Variants in SPDYE4 observed in about 807,000 individuals in gnomAD.
The protein encoded by SPDYE4 is speedy/RINGO cell cycle regulator family member E4.
Under a neutral mutation model 37.5 loss-of-function variants are expected in SPDYE4, and 30 were observed. The ratio of observed to expected loss-of-function variants is 0.80; its 90% CI spans 0.60 to 1.09. SPDYE4 has a LOEUF of 1.09. Among genes scored for constraint, SPDYE4 ranks in the 50% least tolerant of loss-of-function variants. SPDYE4 has a pLI of 0.00. For synonymous variants in SPDYE4, 131 were observed against 120.3 expected, an observed-to-expected ratio of 1.09 and a Z score of -0.58; for missense variants, 300 against 307.9, an observed-to-expected ratio of 0.97 and a Z score of 0.19.
intron 4 of SPDYE4, 110 bp from the exon 5 acceptor site, chr17:8,753,599 C>G (rs1192644775): frequency 7.5e-7 from 1 of 1,327,464 alleles, no homozygotes; most frequent in African/African-American, 1.5e-5. Context: ...TCAGCACCAA[C>G]AGCCGCCCTG....
At chr17:8,756,321 C>T in intron 3 of SPDYE4, 57 bp downstream of exon 3, 1 of 1,556,396 alleles carries the variant, frequency 6.4e-7, no homozygotes, top group South Asian at 1.1e-5. Flanking sequence ...AGACGCTGCA[C>T]CCTTCCCCAG....
intron 4 of SPDYE4, 45 bp downstream of exon 4, chr17:8,755,475 C>T (rs763419515): frequency 1.3e-6 from 2 of 1,594,162 alleles, no homozygotes; most frequent in Admixed American, 3.3e-5. Flanking sequence ...GTCCACTGTC[C>T]CAGGGTGTTG....
rs1313234588 is a variant in SPDYE4 at position 8,757,473 on chromosome 17, G to A, written c.129C>T (p.Ser43=). The change falls in exon 2 of 7, where the codon AGC becomes AGT. Residue 43 remains serine, a synonymous_variant. Coordinates refer to ENST00000689094, the MANE Select transcript of SPDYE4 (RefSeq NM_001394956.1). ...PGPSAPWIDP[S]PQPQSLGLKR... ...TCAGGCCAAGGGATTGAGGCTGGGG[G>A]CTGGGATCTATCCAAGGGGCTGAGT... 2 of 1,608,262 alleles carry A rather than the reference G, an allele frequency of 1.2e-6. No individual in the cohort carries two copies. Among genetic ancestry groups the A allele is most frequent in the Admixed American group, 3.4e-5 (2 of 58,890 alleles).
At chr17:8,756,531 G>A (rs1172771593) in intron 2 of SPDYE4, 95 bp from the exon 3 acceptor site, 3 of 1,260,518 alleles carry the variant, frequency 2.4e-6, no homozygotes, top group Non-Finnish European at 3.4e-6. Flanking sequence ...TCTGGGGGAA[G>A]TCTCAGGATT....
intron 3 of SPDYE4, 94 bp downstream of exon 3, chr17:8,756,284 G>T: frequency 8.5e-7 from 1 of 1,181,980 alleles, no homozygotes; most frequent in East Asian, 2.3e-5. Context: ...AGATGGTAGA[G>T]GGAGAGAGGA....
chr17:8,756,811 A>G (rs2086776531), intron 2 of SPDYE4, among the ~76,000 whole-genome samples: 1 of 152,194 alleles, frequency 6.6e-6, no homozygotes, highest in East Asian at 1.9e-4. Flanking sequence ...CCACGGATGG[A>G]GACACTTAGG....
Position 8,758,510 on chromosome 17 carries a change from G to A in SPDYE4, c.-128C>T. On this transcript the variant is annotated 5_prime_UTR_variant, in exon 1 of 7. Transcript: ENST00000689094. ...TCTAGAGGCTCGGGAGAAGTTAGGA[G>A]TGAAGAGTAGTTCTGAGAAGTTGCT... The A allele has an allele frequency of 1.2e-6, 1 of 849,978 alleles. No individual in the cohort carries two copies. Among genetic ancestry groups the A allele is most frequent in the Non-Finnish European group, 1.9e-6 (1 of 536,440 alleles). 52.7% of individuals were successfully genotyped at this position (849,978 alleles called of 1,614,324 possible). A position where few individuals can be genotyped will look rare whatever the true frequency, so the allele number is the denominator to read the frequency against.
rs147730323 is a variant in SPDYE4 at position 8,758,514 on chromosome 17, A to G, written c.-132T>C. 13 of 836,844 alleles carry G rather than the reference A, an allele frequency of 1.6e-5. No homozygotes were observed. In the Admixed American group the frequency reaches 3.1e-4, roughly 20 times the overall value. 51.8% of individuals were successfully genotyped at this position (836,844 alleles called of 1,614,324 possible). ...GAGGCTCGGGAGAAGTTAGGAGTGAAGAGTAGTTCTGAGAAGTTGCTGTTG... is the reference window on the plus strand; with the variant it reads ...GAGGCTCGGGAGAAGTTAGGAGTGAGGAGTAGTTCTGAGAAGTTGCTGTTG... On this transcript the variant is annotated 5_prime_UTR_variant, in exon 1 of 7. Coordinates refer to ENST00000689094, the MANE Select transcript of SPDYE4 (RefSeq NM_001394956.1).
At position 8,753,364 on chromosome 17, in the gene SPDYE4, G is replaced by A; in HGVS notation, c.611C>T (p.Ser204Phe). The A allele has an allele frequency of 6.3e-7, 1 of 1,587,524 alleles. No homozygotes were observed. Among genetic ancestry groups the A allele is most frequent in the South Asian group, 1.1e-5 (1 of 87,792 alleles). ...FHKLRYQLLC[S>F]MRWRTWVSPE... is the part of the protein sequence containing the mutation. ...GGAAACCCACGTCCTCCAGCGCATG[G>A]AACAGAGGAGCTGGTATCGAAGCTT... The change falls in exon 5 of 7, where the codon TCC (serine) becomes TTC (phenylalanine). Residue 204 changes from serine to phenylalanine, a missense_variant. Transcript: ENST00000689094.
At chr17:8,753,283 C>CCCCCCCCCCCCCCCCCCCCCCAAAGGG in intron 5 of SPDYE4, 38 bp downstream of exon 5, 1 of 705,316 alleles carries the variant, frequency 1.4e-6, no homozygotes, top group Non-Finnish European at 2.3e-6. Context: ...TCCACCCCAT[C>CCCCCCCCCCCCCCCCCCCCCCAAAGGG]CCTCCCCACC....
chr17:8,757,146 T>C (rs951767387), intron 2 of SPDYE4, 116 bp downstream of exon 2: 3 of 906,140 alleles, frequency 3.3e-6, no homozygotes, highest in African/African-American at 3.3e-5. Context: ...TCCTCCTGCA[T>C]GGAGCGCTCA....
Position 8,755,597 on chromosome 17 carries a change from C to T in SPDYE4, c.408G>A (p.Leu136=). ...KDLRVSDKYL[L]AMVIAYFSRA... ...GGCTAAAATACGCTATGACCATAGCCAGGAGATACTGATGGAGAGAAGGGA... is the reference window on the plus strand; with the variant it reads ...GGCTAAAATACGCTATGACCATAGCTAGGAGATACTGATGGAGAGAAGGGA... The change falls in exon 4 of 7, where the codon CTG becomes CTA. Residue 136 remains leucine (L), a synonymous_variant. Transcript: ENST00000689094. 4.3e-6 allele frequency: 7 copies of T among 1,612,618 alleles called. No individual in the cohort carries two copies. The highest frequency in any genetic ancestry group is 5.9e-6 in the Non-Finnish European group (7 of 1,179,204).
chr17:8,757,363 G>T lies in SPDYE4; in HGVS notation c.239C>A (p.Thr80Asn). 6.3e-7 allele frequency: 1 copy of T among 1,598,448 alleles called. No homozygotes were observed. Residue 80 changes from threonine to asparagine, a missense_variant, in exon 2 of 7, where the codon ACC becomes AAC. Physicochemically the swap from Thr to Asn is moderately conservative, Grantham distance 65. Coordinates refer to ENST00000689094, the MANE Select transcript of SPDYE4 (RefSeq NM_001394956.1). ...CCCACACAGCGTCTCCACCACCCAGGTGTCCTCGGGCTCAGGGGCGCGCTC... is the reference window on the plus strand; with the variant it reads ...CCCACACAGCGTCTCCACCACCCAGTTGTCCTCGGGCTCAGGGGCGCGCTC... ...ELERAPEPEDTWVVETLCGLK... is the reference protein window; with the variant it reads ...ELERAPEPEDNWVVETLCGLK...
rs998452492 is a variant in SPDYE4 at position 8,755,556 on chromosome 17, G to A, written c.449C>T (p.Ser150Leu). ...IAYFSRAGLF[S>L]WQYQRIHFFL... ...GAAATGAATGCGTTGGTATTGCCAC[G>A]AGAAGAGGCCGGCACGGCTAAAATA... The change falls in exon 4 of 7, where the codon TCG (serine) becomes TTG (leucine). Residue 150 changes from serine (S) to leucine (L), a missense_variant. Ser to Leu is a moderately radical substitution (Grantham distance 145). Transcript: ENST00000689094. The A allele has an allele frequency of 2.5e-6, 4 of 1,612,180 alleles. No homozygotes were observed. The highest frequency in any genetic ancestry group is 1.7e-5 in the Admixed American group (1 of 59,966).
At position 8,753,076 on chromosome 17, in the gene SPDYE4, T is replaced by C; in HGVS notation, c.*44+18A>G. The C allele has an allele frequency of 1.3e-6, 2 of 1,565,954 alleles. No homozygotes were observed. The highest frequency in any genetic ancestry group is 1.8e-6 in the Non-Finnish European group (2 of 1,138,758). On this transcript the variant is annotated intron_variant, in intron 6 of 6. Transcript: ENST00000689094. The stretch of plus-strand genomic sequence containing the variant: ...AGATGAGAATATTCTGCCTTTACCC[T>C]GGAGGATACACACGTACCTTCCCTC...
chr17:8,756,892 A>G (rs1156491524), intron 2 of SPDYE4, among the ~76,000 whole-genome samples: 1 of 151,912 alleles, frequency 6.6e-6, no homozygotes, highest in Non-Finnish European at 1.5e-5. Context: ...TTTATCTTTT[A>G]TTTTATTTTA....
Position 8,757,536 on chromosome 17 carries a change from A to G in SPDYE4, c.110-44T>C, listed in dbSNP as rs767681174. 1.9e-6 allele frequency: 3 copies of G among 1,592,262 alleles called. No individual in the cohort carries two copies. The Admixed American group carries it at 5.2e-5, about 27-fold the overall frequency. ...CCATGGTGTCATGTTTCTGCCATTG[A>G]TCACCTTAGACGCCCCGACCCAGGA... On this transcript the variant is annotated intron_variant, in intron 1 of 6. Transcript: ENST00000689094.
At chr17:8,755,447 A>G in intron 4 of SPDYE4, 73 bp downstream of exon 4, 1 of 1,507,400 alleles carries the variant, frequency 6.6e-7, no homozygotes, top group Non-Finnish European at 9.1e-7. Flanking sequence ...AATAGATGGA[A>G]GGTTGGAATC....
chr17:8,747,896 T>C (rs1336665152), downstream of SPDYE4, among the ~76,000 whole-genome samples: 1 of 152,200 alleles, frequency 6.6e-6, no homozygotes, highest in African/African-American at 2.4e-5. Context: ...TAATTGGACT[T>C]ACAGTTCCAC....
Sources: gnomAD v4.1 joint callset for allele counts (sites outside exome capture counted in the v4.1 genomes callset) on GRCh38, gnomAD v4.1.1 for gene constraint, MANE v1.5 for transcripts, NCBI Gene and HGNC (gene_info 2026-07-23, HGNC 2026-07-21) for gene names.